NXN: variants seen among roughly 807,000 people sequenced by gnomAD.
NXN encodes the protein nucleoredoxin, also known as nucleoredoxin 1.
Under a neutral mutation model 48.6 loss-of-function variants are expected in NXN, and 16 were observed. That is an observed-to-expected ratio of 0.33 (90% confidence interval 0.22 to 0.50). NXN has a LOEUF of 0.50. Ranked by LOEUF, NXN falls within the 20% of genes least tolerant of loss-of-function variation. NXN has a pLI of 0.98. For missense variants in NXN, 492 were observed against 605.5 expected, an observed-to-expected ratio of 0.81 and a Z score of 1.97; for synonymous variants, 281 against 269.6, an observed-to-expected ratio of 1.04 and a Z score of -0.41.
intron 1 of NXN, among the ~76,000 whole-genome samples, chr17:897,663 C>T (rs2068500768): frequency 6.7e-6 from 1 of 149,372 alleles, no homozygotes; most frequent in African/African-American, 2.4e-5. Flanking sequence ...AATTCTCGGT[C>T]CAGCATTTGT....
chr17:854,011 C>A (rs544431262), intron 1 of NXN, among the ~76,000 whole-genome samples: 1 of 152,030 alleles, frequency 6.6e-6, no homozygotes, highest in Non-Finnish European at 1.5e-5. Flanking sequence ...TGAGCCACTG[C>A]GCCCGGCCAA....
intron 1 of NXN, among the ~76,000 whole-genome samples, chr17:952,645 C>G (rs11870510): frequency 1.1e-4 from 2 of 18,400 alleles, no homozygotes; most frequent in African/African-American, 6.4e-4. Context: ...GTCAGACAGA[C>G]CAAGGTTGGA....
At chr17:913,629 CG>C (rs959089514) in intron 1 of NXN, among the ~76,000 whole-genome samples, 59 of 141,704 alleles carry the variant, frequency 4.2e-4, no homozygotes, top group African/African-American at 1.3e-3. Context: ...ATGCAGAGAC[CG>C]GGAACCGATA....
At chr17:969,910 C>T (rs1461208156) in intron 1 of NXN, among the ~76,000 whole-genome samples, 3 of 152,136 alleles carry the variant, frequency 2.0e-5, no homozygotes, top group South Asian at 2.1e-4. Context: ...GAGATAAAAC[C>T]GTCATTCACT....
intron 5 of NXN, 57 bp downstream of exon 5, chr17:819,382 G>A (rs768160816): frequency 1.1e-5 from 13 of 1,192,212 alleles, no homozygotes; most frequent in Non-Finnish European, 1.5e-5. Flanking sequence ...AAGACACGGT[G>A]AGCTCAGGTG....
At chr17:832,749 T>TC (rs1196959535) in intron 1 of NXN, among the ~76,000 whole-genome samples, 1 of 152,016 alleles carries the variant, frequency 6.6e-6, no homozygotes, top group African/African-American at 2.4e-5. Flanking sequence ...CCCTAAAGAT[T>TC]CCCCGTTCCT....
intron 1 of NXN, among the ~76,000 whole-genome samples, chr17:934,114 TAAGA>T (rs2068880674): frequency 6.6e-6 from 1 of 152,046 alleles, no homozygotes; most frequent in Non-Finnish European, 1.5e-5. Flanking sequence ...GAAAGTACAA[TAAGA>T]AGGCCAGGCG....
intron 1 of NXN, among the ~76,000 whole-genome samples, chr17:931,715 G>A (rs1312408866): frequency 8.7e-5 from 13 of 149,494 alleles, no homozygotes; most frequent in African/African-American, 3.0e-4. Flanking sequence ...GGCGCCTGTA[G>A]TCCCAGCTAC....
intron 5 of NXN, among the ~76,000 whole-genome samples, chr17:806,278 C>A (rs533904406): frequency 5.1e-5 from 5 of 97,322 alleles, no homozygotes; most frequent in Admixed American, 1.9e-4. Context: ...CCAGCTCCCC[C>A]CTTCCCCAGG....
At position 864,553 on chromosome 17, in the gene NXN, A is replaced by G. The variant is rs544764432; in HGVS notation, c.361-38475T>C. ...TACAGGCTGTTTCTCCCTGATAAACATCGGTGAGACCAACATGAGTGTGAG... is the reference window on the plus strand; with the variant it reads ...TACAGGCTGTTTCTCCCTGATAAACGTCGGTGAGACCAACATGAGTGTGAG... On this transcript the variant is annotated intron_variant, in intron 1 of 7. Coordinates refer to ENST00000336868, the MANE Select transcript of NXN (RefSeq NM_022463.5). Among the ~76,000 whole-genome samples, 38 of 152,326 alleles carry G rather than the reference A, an allele frequency of 2.5e-4. No homozygotes were observed. The South Asian group carries it at 7.7e-3, about 31-fold the overall frequency.
intron 1 of NXN, among the ~76,000 whole-genome samples, chr17:846,572 G>T (rs2067864427): frequency 6.6e-6 from 1 of 152,208 alleles, no homozygotes; most frequent in Admixed American, 6.5e-5. Context: ...GGGCACAAAA[G>T]CCTTCATTCC....
chr17:930,748 C>G (rs1003009465), intron 1 of NXN, among the ~76,000 whole-genome samples: 15 of 147,830 alleles, frequency 1.0e-4, no homozygotes, highest in African/African-American at 3.7e-4. Context: ...GGTGGTATAC[C>G]AAGAGGACAA....
chr17:971,074 GT>G (rs1237159562), intron 1 of NXN, among the ~76,000 whole-genome samples: 1 of 151,078 alleles, frequency 6.6e-6, no homozygotes, highest in Non-Finnish European at 1.5e-5. Context: ...AGCCTCCTCA[GT>G]AGCTCGGATT....
chr17:925,301 G>C (rs565240764), intron 1 of NXN, among the ~76,000 whole-genome samples: 1 of 152,282 alleles, frequency 6.6e-6, no homozygotes, highest in African/African-American at 2.4e-5. Context: ...GTACAAGGAG[G>C]CCCCAACATT....
intron 1 of NXN, chr17:896,854 A>AGCGGGGGGGGGGGGGGG: frequency 2.2e-6 from 2 of 908,610 alleles, no homozygotes; most frequent in Non-Finnish European, 3.0e-6. Flanking sequence ...CGCGGTCCTG[A>AGCGGGGGGGGGGGGGGG]CCACCCGCCC....
chr17:825,876 ACCG>A lies in NXN; in HGVS notation c.478+82_478+84del. On this transcript the variant is annotated intron_variant, in intron 2 of 7. Transcript: ENST00000336868. This position sits in a 1 kb window ranked among gnomAD's most constrained non-coding sequence, Gnocchi z 4.1. ...TATCTATTTCACCAGTACTCTCTCC[ACCG>A]GTGGGACGGAGATTAGCCTAAGGGC... 1.2e-6 allele frequency: 1 copy of A among 830,660 alleles called. No homozygotes were observed. Among genetic ancestry groups the A allele is most frequent in the Non-Finnish European group, 2.0e-6 (1 of 504,202 alleles). The allele number at this position is 830,660 out of a possible 1,614,324, so 51.5% of individuals were successfully genotyped here.
intron 1 of NXN, among the ~76,000 whole-genome samples, chr17:878,609 G>A (rs929293595): frequency 7.2e-5 from 11 of 152,068 alleles, no homozygotes; most frequent in East Asian, 3.9e-4. Flanking sequence ...GGGCAGTGAC[G>A]TGAACAACTG....
intron 1 of NXN, among the ~76,000 whole-genome samples, chr17:862,406 C>G (rs1335121191): frequency 1.3e-5 from 2 of 152,176 alleles, no homozygotes; most frequent in Non-Finnish European, 2.9e-5. Context: ...TGCCTGTAGT[C>G]CCAGCTACTC....
intron 1 of NXN, among the ~76,000 whole-genome samples, chr17:858,633 C>T (rs2068010712): frequency 6.6e-6 from 1 of 151,698 alleles, no homozygotes; most frequent in Non-Finnish European, 1.5e-5. Flanking sequence ...GAGGCTGAGA[C>T]AGCAGCCTGT....
Sources: allele counts gnomAD v4.1 joint callset (sites outside exome capture counted in the v4.1 genomes callset), GRCh38; gene constraint gnomAD v4.1.1; non-coding constraint Gnocchi (gnomAD v3.1); transcripts MANE v1.5; gene names NCBI Gene and HGNC (gene_info 2026-07-23, HGNC 2026-07-21).